Variants in RORA observed in about 807,000 individuals in gnomAD.
RORA encodes the protein RAR related orphan receptor A.
In RORA, 7 loss-of-function variants were observed where a neutral mutation model predicts 69.5. That is an observed-to-expected ratio of 0.10 (90% CI 0.06 to 0.19). RORA has a LOEUF of 0.19. Among genes scored for constraint, RORA ranks in the 10% least tolerant of loss-of-function variants. The pLI, the probability that RORA is intolerant of heterozygous loss-of-function variation, is 1.00. For missense variants in RORA, 457 were observed against 663.0 expected, an observed-to-expected ratio of 0.69 and a Z score of 3.41; for synonymous variants, 261 against 240.8, an observed-to-expected ratio of 1.08 and a Z score of -0.78.
chr15:61,067,470 T>C (rs2078279784), intron 1 of RORA, among the ~76,000 whole-genome samples: 1 of 152,230 alleles, frequency 6.6e-6, no homozygotes, highest in Non-Finnish European at 1.5e-5. Flanking sequence ...CTAATGATGT[T>C]GTCGACAACG....
chr15:60,893,949 T>G (rs1318272988), intron 1 of RORA, among the ~76,000 whole-genome samples: 1 of 152,150 alleles, frequency 6.6e-6, no homozygotes, highest in African/African-American at 2.4e-5. Flanking sequence ...GTCCCCCGTC[T>G]GGGCCCCTTC....
chr15:60,930,489 C>A (rs1273708596), intron 1 of RORA, among the ~76,000 whole-genome samples: 1 of 152,188 alleles, frequency 6.6e-6, no homozygotes, highest in Non-Finnish European at 1.5e-5. Context: ...AGTGACCCAA[C>A]ACCAGGTGGC....
intron 1 of RORA, among the ~76,000 whole-genome samples, chr15:60,829,342 C>G (rs2140389025): frequency 6.6e-6 from 1 of 152,280 alleles, no homozygotes; most frequent in Non-Finnish European, 1.5e-5. Context: ...CTCCTCAGTC[C>G]CTGTATCAGT....
At chr15:60,931,256 C>G (rs1566913684) in intron 1 of RORA, among the ~76,000 whole-genome samples, 1 of 152,204 alleles carries the variant, frequency 6.6e-6, no homozygotes, top group Non-Finnish European at 1.5e-5. Context: ...AGGCTGTTCA[C>G]TGCCCAGAGG....
intron 2 of RORA, among the ~76,000 whole-genome samples, chr15:60,613,325 C>T (rs536082461): frequency 2.7e-4 from 41 of 152,222 alleles, no homozygotes; most frequent in Non-Finnish European, 5.4e-4. Flanking sequence ...TACATTTTCT[C>T]TGGTGTGCCT....
At chr15:60,859,263 A>G (rs905446964) in intron 1 of RORA, among the ~76,000 whole-genome samples, 1 of 151,960 alleles carries the variant, frequency 6.6e-6, no homozygotes, top group African/African-American at 2.4e-5. Flanking sequence ...CCCTAAGGAC[A>G]ATGGCTTTGT....
At chr15:60,737,774 A>G (rs964784111) in intron 1 of RORA, among the ~76,000 whole-genome samples, 1 of 152,158 alleles carries the variant, frequency 6.6e-6, no homozygotes, top group Admixed American at 6.5e-5. Flanking sequence ...ATGGGATACA[A>G]TTTTCACAGG....
intron 1 of RORA, among the ~76,000 whole-genome samples, chr15:60,833,525 C>G (rs1033805535): frequency 6.6e-6 from 1 of 152,154 alleles, no homozygotes; most frequent in Non-Finnish European, 1.5e-5. Flanking sequence ...AATGAGTCTT[C>G]TTCCTGGGTC....
At chr15:61,214,832 G>C (rs1277815206) in intron 1 of RORA, among the ~76,000 whole-genome samples, 1 of 150,926 alleles carries the variant, frequency 6.6e-6, no homozygotes, top group African/African-American at 2.4e-5. Context: ...AATGTCACTG[G>C]AATGTCATCA....
intron 1 of RORA, among the ~76,000 whole-genome samples, chr15:60,834,591 A>AAT (rs567671544): frequency 2.6e-3 from 392 of 152,314 alleles, no homozygotes; most frequent in Non-Finnish European, 4.5e-3. Flanking sequence ...TGGAATGATA[A>AAT]ATGTGAGAAA....
chr15:60,742,187 C>T (rs1013379542), intron 1 of RORA, among the ~76,000 whole-genome samples: 1 of 152,172 alleles, frequency 6.6e-6, no homozygotes, highest in African/African-American at 2.4e-5. Flanking sequence ...GGTGTCTCCT[C>T]ACTGTCATCC....
intron 2 of RORA, among the ~76,000 whole-genome samples, chr15:60,574,721 A>G (rs1567097998): frequency 6.6e-6 from 1 of 152,168 alleles, no homozygotes; most frequent in Non-Finnish European, 1.5e-5. Context: ...AAAAATCCCT[A>G]TGAGGTAGAT....
rs554620226 is a variant in RORA at position 60,989,823 on chromosome 15, T to A, written c.166+239230A>T. Among the ~76,000 whole-genome samples, 18 of 146,946 alleles carry A rather than the reference T, an allele frequency of 1.2e-4. No homozygotes were observed. The Admixed American group carries it at 1.2e-3, about 10-fold the overall frequency. On this transcript the variant is annotated intron_variant, in intron 1 of 10. Transcript: ENST00000335670. ...TTTGTCAGAAATTACTAACTTTTAC[T>A]CTCCACTCAAACACCCTGAGGTCGA...
At chr15:60,856,389 C>T (rs2073380372) in intron 1 of RORA, among the ~76,000 whole-genome samples, 1 of 152,160 alleles carries the variant, frequency 6.6e-6, no homozygotes, top group Non-Finnish European at 1.5e-5. Flanking sequence ...TCCTGTCCAA[C>T]CACTCACCTG....
chr15:60,868,404 C>A (rs147790947), intron 1 of RORA, among the ~76,000 whole-genome samples: 1 of 152,232 alleles, frequency 6.6e-6, no homozygotes, highest in East Asian at 1.9e-4. Context: ...AGCACAGGGA[C>A]GCACATTTGA....
intron 1 of RORA, among the ~76,000 whole-genome samples, chr15:61,052,487 C>T (rs1004683743): frequency 6.6e-6 from 1 of 152,166 alleles, no homozygotes; most frequent in Non-Finnish European, 1.5e-5. Flanking sequence ...TAAGCTATGG[C>T]TATGTGTTTT....
chr15:60,800,771 G>A (rs568150406), intron 1 of RORA, among the ~76,000 whole-genome samples: 17 of 152,072 alleles, frequency 1.1e-4, no homozygotes, highest in African/African-American at 2.9e-4. Context: ...TTCATATGCC[G>A]CCCCCACCTC....
chr15:60,865,581 G>C (rs2073478445), intron 1 of RORA, among the ~76,000 whole-genome samples: 1 of 152,190 alleles, frequency 6.6e-6, no homozygotes, highest in Non-Finnish European at 1.5e-5. Flanking sequence ...GTCCTCTGTA[G>C]ACACATGAAA....
intron 1 of RORA, among the ~76,000 whole-genome samples, chr15:61,201,285 T>C (rs562939019): frequency 1.1e-3 from 161 of 152,104 alleles, no homozygotes; most frequent in Non-Finnish European, 1.9e-3. Flanking sequence ...TCACTCAAAA[T>C]AAAGGGAAAG....
Sources: allele counts gnomAD v4.1 joint callset (sites outside exome capture counted in the v4.1 genomes callset), GRCh38; gene constraint gnomAD v4.1.1; transcripts MANE v1.5; gene names NCBI Gene and HGNC (gene_info 2026-07-23, HGNC 2026-07-21).